Variants in AKAP19 observed in about 807,000 individuals in gnomAD.
The protein encoded by AKAP19 is A-kinase anchoring protein 19.
chr2:190,115,948 C>T, the AKAP19 span, among the ~76,000 whole-genome samples: 9 of 152,310 alleles, frequency 5.9e-5, no homozygotes, highest in East Asian at 1.5e-3. Flanking sequence ...GAAGTTCATA[C>T]TCATGCACTA....
At chr2:189,974,519 A>G in the AKAP19 span, among the ~76,000 whole-genome samples, 5,216 of 152,178 alleles carry the variant, frequency 0.034, 286 homozygotes, top group African/African-American at 0.11. Flanking sequence ...GCTATGTTCA[A>G]TTCCTGGATA....
the AKAP19 span, among the ~76,000 whole-genome samples, chr2:190,133,094 C>T: frequency 6.6e-6 from 1 of 151,650 alleles, no homozygotes; most frequent in Non-Finnish European, 1.5e-5. Flanking sequence ...AAAAATTAGC[C>T]GGGCGTGGTG....
At chr2:189,979,323 T>TG in the AKAP19 span, among the ~76,000 whole-genome samples, 2 of 151,990 alleles carry the variant, frequency 1.3e-5, no homozygotes, top group Admixed American at 6.6e-5. Flanking sequence ...AAATATACAA[T>TG]GGGGAAAGAA....
chr2:190,172,569 T>C, the AKAP19 span, among the ~76,000 whole-genome samples: 1 of 152,134 alleles, frequency 6.6e-6, no homozygotes, highest in Admixed American at 6.5e-5. Context: ...ATACTGCTCA[T>C]GACAATTAAG....
chr2:189,922,487 CT>C, the AKAP19 span, among the ~76,000 whole-genome samples: 1 of 152,164 alleles, frequency 6.6e-6, no homozygotes, highest in Non-Finnish European at 1.5e-5. Flanking sequence ...TTGATCCCTG[CT>C]GGTGAATTCT....
chr2:189,924,131 A>C, the AKAP19 span: 1 of 1,612,022 alleles, frequency 6.2e-7, no homozygotes, highest in Non-Finnish European at 8.5e-7. Flanking sequence ...GGGGATGACC[A>C]GCTGGAGTTG....
the AKAP19 span, among the ~76,000 whole-genome samples, chr2:189,956,370 C>T: frequency 1.3e-5 from 2 of 150,626 alleles, no homozygotes. Flanking sequence ...GGGGTTTCAC[C>T]GTTTTAGCCG....
chr2:189,927,712 C>T, the AKAP19 span, among the ~76,000 whole-genome samples: 2 of 152,122 alleles, frequency 1.3e-5, no homozygotes, highest in East Asian at 1.9e-4. Context: ...AATCTTAATA[C>T]AGTCATCAAA....
At chr2:189,956,346 T>A in the AKAP19 span, among the ~76,000 whole-genome samples, 1 of 150,274 alleles carries the variant, frequency 6.7e-6, no homozygotes, top group Non-Finnish European at 1.5e-5. Context: ...ATTTTTTGTA[T>A]TTTTAGTAGA....
chr2:190,180,963 C>A, the AKAP19 span: 351 of 985,530 alleles, frequency 3.6e-4, 1 homozygote, highest in Admixed American at 4.3e-4. This position sits in a 1 kb window ranked among gnomAD's most constrained non-coding sequence, Gnocchi z 6.8. Flanking sequence ...AGCTGCCGCC[C>A]GCCCAGACGC....
the AKAP19 span, among the ~76,000 whole-genome samples, chr2:190,038,971 TTTC>T: frequency 6.7e-3 from 662 of 98,718 alleles, 6 homozygotes; most frequent in African/African-American, 0.021. Flanking sequence ...CTTCTTCTTC[TTTC>T]TTCTTCTTCT....
At chr2:190,054,311 C>T in the AKAP19 span, among the ~76,000 whole-genome samples, 3 of 151,984 alleles carry the variant, frequency 2.0e-5, no homozygotes, top group Non-Finnish European at 4.4e-5. Context: ...AACTGGATCC[C>T]TTCCTTACAC....
the AKAP19 span, among the ~76,000 whole-genome samples, chr2:190,013,611 G>C: frequency 3.3e-5 from 5 of 152,142 alleles, no homozygotes; most frequent in African/African-American, 7.2e-5. Context: ...CACCTCCTGG[G>C]TTCACGCCAT....
the AKAP19 span, among the ~76,000 whole-genome samples, chr2:190,031,493 CTT>C: frequency 1.3e-5 from 2 of 152,176 alleles, no homozygotes; most frequent in African/African-American, 4.8e-5. Flanking sequence ...TCTTAAAAGA[CTT>C]TATTTTTCAC....
At chr2:190,142,882 G>T in the AKAP19 span, among the ~76,000 whole-genome samples, 1 of 152,142 alleles carries the variant, frequency 6.6e-6, no homozygotes, top group Admixed American at 6.5e-5. Context: ...GTCCTCAAGA[G>T]AGTCACCCAC....
chr2:190,106,847 C>G, the AKAP19 span, among the ~76,000 whole-genome samples: 12 of 152,272 alleles, frequency 7.9e-5, no homozygotes, highest in South Asian at 2.5e-3. Flanking sequence ...AAACAATTGT[C>G]CAGCAACTCA....
At chr2:190,005,241 G>A in the AKAP19 span, among the ~76,000 whole-genome samples, 4 of 152,144 alleles carry the variant, frequency 2.6e-5, no homozygotes, top group African/African-American at 4.8e-5. Flanking sequence ...CCAGGTTGCC[G>A]CAGCTGGCTC....
At chr2:190,139,707 C>A in the AKAP19 span, among the ~76,000 whole-genome samples, 4 of 152,150 alleles carry the variant, frequency 2.6e-5, no homozygotes, top group Admixed American at 2.6e-4. Context: ...GATTCAATTA[C>A]CTCCCACAAC....
the AKAP19 span, among the ~76,000 whole-genome samples, chr2:190,096,810 A>G: frequency 1.3e-5 from 2 of 152,170 alleles, no homozygotes; most frequent in African/African-American, 2.4e-5. Flanking sequence ...TGTGTATAAT[A>G]TCTAGTGAGG....
Sources: allele counts gnomAD v4.1 joint callset (sites outside exome capture counted in the v4.1 genomes callset), GRCh38; gene constraint gnomAD v4.1.1; non-coding constraint Gnocchi (gnomAD v3.1); transcripts MANE v1.5; gene names NCBI Gene and HGNC (gene_info 2026-07-23, HGNC 2026-07-21).